The following FOXK1 variants were observed in gnomAD, a reference collection of about 807,000 sequenced individuals.
FOXK1 encodes forkhead box protein K1.
In FOXK1, 19 loss-of-function variants were observed where a neutral mutation model predicts 51.9. The observed-to-expected ratio is 0.37, with a 90% CI of 0.26 to 0.54. The LOEUF is 0.54. FOXK1 is among the 20% of genes least tolerant of loss of function. FOXK1 has a pLI of 0.87. For missense variants in FOXK1, 870 were observed against 1,032.7 expected, an observed-to-expected ratio of 0.84 and a Z score of 2.16; for synonymous variants, 537 against 482.6, an observed-to-expected ratio of 1.11 and a Z score of -1.48.
chr7:4,696,465 GTT>G (rs1779953771), intron 1 of FOXK1, among the ~76,000 whole-genome samples: 1 of 152,194 alleles, frequency 6.6e-6, no homozygotes, highest in African/African-American at 2.4e-5. Flanking sequence ...CCGTCACACG[GTT>G]GTACCAGGTA....
Position 4,683,207 on chromosome 7 carries a change from C to T in FOXK1, c.560+339C>T, listed in dbSNP as rs910032096. Among the ~76,000 whole-genome samples, 8 of 151,520 alleles carry T rather than the reference C, an allele frequency of 5.3e-5. No individual in the cohort carries two copies. The highest frequency in any genetic ancestry group is 1.7e-4 in the African/African-American group (7 of 41,254). The stretch of plus-strand genomic sequence containing the variant: ...TTGCGGCTCCTGGGGTCACCCCTGA[C>T]CTCATCTCCCACCGGCCTGGGCTCC... On this transcript the variant is annotated intron_variant, in intron 1 of 8. Coordinates refer to ENST00000328914, the MANE Select transcript of FOXK1 (RefSeq NM_001037165.2). The surrounding 1 kb of genome is among the most constrained non-coding windows in gnomAD (Gnocchi z 4.5).
At position 4,707,572 on chromosome 7, in the gene FOXK1, AC is replaced by A. The variant is rs1780118262; in HGVS notation, c.560+24705del. Among the ~76,000 whole-genome samples, 1 of 152,034 alleles carries A rather than the reference AC, an allele frequency of 6.6e-6. No individual in the cohort carries two copies. Among genetic ancestry groups the A allele is most frequent in the South Asian group, 2.1e-4 (1 of 4,822 alleles). On this transcript the variant is annotated intron_variant, in intron 1 of 8. Transcript: ENST00000328914. This position sits in a 1 kb window ranked among gnomAD's most constrained non-coding sequence, Gnocchi z 4.1. ...TGTGGGAGTCGGTGAATTGTCTCTT[AC>A]GCCTTCCTTTCCGGGTTTTCCTGGA... is the stretch of plus-strand genomic sequence containing the variant.
rs774718203 is a variant in FOXK1 at position 4,759,013 on chromosome 7, G to A, written c.1245-38G>A. The A allele has an allele frequency of 5.8e-6, 9 of 1,547,570 alleles. No homozygotes were observed. In the Admixed American group the frequency reaches 1.1e-4, roughly 20 times the overall value. ...CGGAAACGTCCTCGCATCCCTCAGC[G>A]CGGGCGCTGACTGCCGCGGCCCTTG... On this transcript the variant is annotated intron_variant, in intron 5 of 8. Transcript: ENST00000328914.
At position 4,713,918 on chromosome 7, in the gene FOXK1, C is replaced by T. The variant is rs182938461; in HGVS notation, c.561-26920C>T. On this transcript the variant is annotated intron_variant, in intron 1 of 8. Transcript: ENST00000328914. ...TTGGCTCACTGCAACCTCCACCTCC[C>T]GAGTTCACGTGATTTCTCCTGCCTC... is the stretch of plus-strand genomic sequence containing the variant. Among the ~76,000 whole-genome samples the T allele has an allele frequency of 5.9e-5, 9 of 151,746 alleles. No individual in the cohort carries two copies. In the East Asian group the frequency reaches 1.6e-3, roughly 26 times the overall value.
chr7:4,687,317 G>T (rs910136803), intron 1 of FOXK1, among the ~76,000 whole-genome samples: 1 of 151,392 alleles, frequency 6.6e-6, no homozygotes, highest in African/African-American at 2.4e-5. Flanking sequence ...TTTTGCAACG[G>T]AGTCTCACTC....
Position 4,705,552 on chromosome 7 carries a change from T to TCGCTCTCGCTCTCTCGCTCTCG in FOXK1, c.560+22685_560+22686insGCTCTCGCTCTCTCGCTCTCGC, listed in dbSNP as rs760518643. On this transcript the variant is annotated intron_variant, in intron 1 of 8. Coordinates refer to ENST00000328914, the MANE Select transcript of FOXK1 (RefSeq NM_001037165.2). ...CTCTCTCTCTCTCTCTCTCTCTCTC[T>TCGCTCTCGCTCTCTCGCTCTCG]CTCTCTCGCTCTCGCTCTCTCGTCG... Among the ~76,000 whole-genome samples, 26 of 143,692 alleles carry TCGCTCTCGCTCTCTCGCTCTCG rather than the reference T, an allele frequency of 1.8e-4. No homozygotes were observed. In the South Asian group the frequency reaches 4.0e-3, roughly 22 times the overall value. The allele number at this position is 143,692 out of a possible 152,430, so 94.3% of individuals were successfully genotyped here.
At chr7:4,708,965 T>A (rs546939678) in intron 1 of FOXK1, among the ~76,000 whole-genome samples, 1 of 150,002 alleles carries the variant, frequency 6.7e-6, no homozygotes, top group African/African-American at 2.5e-5. Context: ...CTCGGGAGAC[T>A]GAGGCAGGAG....
In FOXK1 at chr7:4,770,864, G is replaced by GGTGTGTGTGT. The variant is rs56204828; in HGVS notation, c.*8429_*8438dup. On this transcript the variant is annotated 3_prime_UTR_variant, in exon 9 of 9. Coordinates refer to ENST00000328914, the MANE Select transcript of FOXK1 (RefSeq NM_001037165.2). ...AATTTGGGAGGGGCGGGTGTTGTTC[G>GGTGTGTGTGT]GTGTGTGTGTGTGTGTGTGTGTGTG... is the stretch of plus-strand genomic sequence containing the variant. 79 of 140,376 alleles carry GGTGTGTGTGT rather than the reference G, an allele frequency of 5.6e-4. 1 individual carries two copies. The highest frequency in any genetic ancestry group is 1.8e-3 in the African/African-American group (69 of 37,382). 8.7% of individuals were successfully genotyped at this position (140,376 alleles called of 1,614,324 possible). A position where few individuals can be genotyped will look rare whatever the true frequency, so the allele number is the denominator to read the frequency against.
Position 4,722,372 on chromosome 7 carries a change from T to C in FOXK1, c.561-18466T>C, listed in dbSNP as rs897357142. On this transcript the variant is annotated intron_variant, in intron 1 of 8. Transcript: ENST00000328914. The surrounding 1 kb of genome is among the most constrained non-coding windows in gnomAD (Gnocchi z 5.1). ...CTCTTATGTACTTTGGTCGTTCGTA[T>C]TTCCTAGGCTTAAAACCCATTCTCC... 3.9e-5 allele frequency among the ~76,000 whole-genome samples: 6 copies of C among 152,242 alleles called. No individual in the cohort carries two copies. Among genetic ancestry groups the C allele is most frequent in the African/African-American group, 1.4e-4 (6 of 41,474 alleles).
chr7:4,756,258 G>A lies in FOXK1; in HGVS notation c.1051-736G>A, dbSNP rs1255916958. On this transcript the variant is annotated intron_variant, in intron 4 of 8. Transcript: ENST00000328914. This position sits in a 1 kb window ranked among gnomAD's most constrained non-coding sequence, Gnocchi z 4.1. ...GCCTCCCAAGTAGCTGGGGCTACAG[G>A]TGCCCACCACCACACCTGGCTATTT... Among the ~76,000 whole-genome samples, 1 of 152,102 alleles carries A rather than the reference G, an allele frequency of 6.6e-6. No homozygotes were observed. The highest frequency in any genetic ancestry group is 6.5e-5 in the Admixed American group (1 of 15,274).
In FOXK1 at chr7:4,749,550, GGCTCCGTC is replaced by G. The variant is rs1363552881; in HGVS notation, c.747-4906_747-4899del. Among the ~76,000 whole-genome samples, 2 of 152,270 alleles carry G rather than the reference GGCTCCGTC, an allele frequency of 1.3e-5. No homozygotes were observed. Among genetic ancestry groups the G allele is most frequent in the Non-Finnish European group, 1.5e-5 (1 of 68,014 alleles). ...CTTCTCGCCCCTCCACTGCCCACAA[GGCTCCGTC>G]GCAGCTCCTTCCTCCAGCCCCTCCA... is the stretch of plus-strand genomic sequence containing the variant. On this transcript the variant is annotated intron_variant, in intron 2 of 8. Coordinates refer to ENST00000328914, the MANE Select transcript of FOXK1 (RefSeq NM_001037165.2). The surrounding 1 kb of genome is among the most constrained non-coding windows in gnomAD (Gnocchi z 6.0).
rs567227529 is a variant in FOXK1 at position 4,711,967 on chromosome 7, A to G, written c.561-28871A>G. Reference sequence around the variant, plus strand: ...GGGCAGAGGGCAGGTGCCGCCGAGCAGGAGGGAGGACGCGGCAGGTCACAG... The same window carrying G: ...GGGCAGAGGGCAGGTGCCGCCGAGCGGGAGGGAGGACGCGGCAGGTCACAG... On this transcript the variant is annotated intron_variant, in intron 1 of 8. Transcript: ENST00000328914. This position sits in a 1 kb window ranked among gnomAD's most constrained non-coding sequence, Gnocchi z 6.3. Among the ~76,000 whole-genome samples the G allele has an allele frequency of 6.6e-6, 1 of 151,732 alleles. No individual in the cohort carries two copies. The highest frequency in any genetic ancestry group is 2.1e-4 in the South Asian group (1 of 4,828).
At position 4,703,443 on chromosome 7, in the gene FOXK1, C is replaced by T. The variant is rs904366607; in HGVS notation, c.560+20575C>T. On this transcript the variant is annotated intron_variant, in intron 1 of 8. Transcript: ENST00000328914. The surrounding 1 kb of genome is among the most constrained non-coding windows in gnomAD (Gnocchi z 5.6). ...GAACCCGCGTCTGCAGGGCTGGTGGCGTCCAGCACAGGGCAGGGTCCTGGT... is the reference window on the plus strand; with the variant it reads ...GAACCCGCGTCTGCAGGGCTGGTGGTGTCCAGCACAGGGCAGGGTCCTGGT... 6.6e-5 allele frequency among the ~76,000 whole-genome samples: 10 copies of T among 152,176 alleles called. No homozygotes were observed. The highest frequency in any genetic ancestry group is 1.3e-4 in the Non-Finnish European group (9 of 68,020).
chr7:4,734,894 C>T lies in FOXK1; in HGVS notation c.561-5944C>T, dbSNP rs563397196. On this transcript the variant is annotated intron_variant, in intron 1 of 8. Transcript: ENST00000328914. This position sits in a 1 kb window ranked among gnomAD's most constrained non-coding sequence, Gnocchi z 5.2. The stretch of plus-strand genomic sequence containing the variant: ...GCGAGGGGACAGCGGTGGACAGGAG[C>T]GATCTGTCACATTCATTTTAAAAAT... 3.3e-5 allele frequency among the ~76,000 whole-genome samples: 5 copies of T among 152,298 alleles called. No homozygotes were observed. Among genetic ancestry groups the T allele is most frequent in the South Asian group, 4.1e-4 (2 of 4,826 alleles).
In FOXK1 at chr7:4,734,886, G is replaced by T. The variant is rs772016141; in HGVS notation, c.561-5952G>T. Among the ~76,000 whole-genome samples, 2 of 152,196 alleles carry T rather than the reference G, an allele frequency of 1.3e-5. No homozygotes were observed. Among genetic ancestry groups the T allele is most frequent in the Non-Finnish European group, 2.9e-5 (2 of 68,048 alleles). On this transcript the variant is annotated intron_variant, in intron 1 of 8. Coordinates refer to ENST00000328914, the MANE Select transcript of FOXK1 (RefSeq NM_001037165.2). This position sits in a 1 kb window ranked among gnomAD's most constrained non-coding sequence, Gnocchi z 5.2. ...GAGACGGGGCGAGGGGACAGCGGTG[G>T]ACAGGAGCGATCTGTCACATTCATT...
rs1215014759 is a variant in FOXK1, at chr7:4,761,376, C to G, written c.1921+88C>G. ...CGGCATGAGAATGTTCTCCCAGTAT[C>G]TCCCGATCCTCCACTCAGTTCAATT... On this transcript the variant is annotated intron_variant, in intron 8 of 8. Coordinates refer to ENST00000328914, the MANE Select transcript of FOXK1 (RefSeq NM_001037165.2). This position sits in a 1 kb window ranked among gnomAD's most constrained non-coding sequence, Gnocchi z 6.2. The G allele has an allele frequency of 2.4e-6, 3 of 1,246,302 alleles. No homozygotes were observed. The African/African-American group carries it at 4.5e-5, about 18-fold the overall frequency. 77.2% of individuals were successfully genotyped at this position (1,246,302 alleles called of 1,614,324 possible). A position where few individuals can be genotyped will look rare whatever the true frequency, so the allele number is the denominator to read the frequency against.
At chr7:4,705,554 T>TCTCGCTCTCGCTCTCGCTCTCG (rs1554249289) in intron 1 of FOXK1, among the ~76,000 whole-genome samples, 1 of 131,514 alleles carries the variant, frequency 7.6e-6, no homozygotes, top group Non-Finnish European at 1.6e-5. Flanking sequence ...TCTCTCTCTC[T>TCTCGCTCTCGCTCTCGCTCTCG]CTCTCGCTCT....
At chr7:4,704,208 T>C (rs1780053813) in intron 1 of FOXK1, among the ~76,000 whole-genome samples, 1 of 152,036 alleles carries the variant, frequency 6.6e-6, no homozygotes, top group African/African-American at 2.4e-5. Flanking sequence ...TCCAGCACTT[T>C]GGGAGGCTGA....
In FOXK1 at chr7:4,707,565, G is replaced by T. The variant is rs1780118116; in HGVS notation, c.560+24697G>T. 6.6e-6 allele frequency among the ~76,000 whole-genome samples: 1 copy of T among 152,158 alleles called. No individual in the cohort carries two copies. Among genetic ancestry groups the T allele is most frequent in the Admixed American group, 6.5e-5 (1 of 15,268 alleles). On this transcript the variant is annotated intron_variant, in intron 1 of 8. Transcript: ENST00000328914. This position sits in a 1 kb window ranked among gnomAD's most constrained non-coding sequence, Gnocchi z 4.1. ...GGGTGGGTGTGGGAGTCGGTGAATTGTCTCTTACGCCTTCCTTTCCGGGTT... is the reference window on the plus strand; with the variant it reads ...GGGTGGGTGTGGGAGTCGGTGAATTTTCTCTTACGCCTTCCTTTCCGGGTT...
Sources: gnomAD v4.1 joint callset for allele counts (sites outside exome capture counted in the v4.1 genomes callset) on GRCh38, gnomAD v4.1.1 for gene constraint, Gnocchi (gnomAD v3.1) non-coding constraint, MANE v1.5 for transcripts, NCBI Gene and HGNC (gene_info 2026-07-23, HGNC 2026-07-21) for gene names.